The following ATG5 variants were observed in gnomAD, a reference collection of about 807,000 sequenced individuals.
The protein encoded by ATG5 is autophagy related 5, also known as autophagy protein 5.
In ATG5, 14 loss-of-function variants were observed where a neutral mutation model predicts 36.5. The observed-to-expected ratio is 0.38, with a 90% CI of 0.25 to 0.60. The LOEUF (loss-of-function observed/expected upper bound fraction) is 0.60, where lower values mean the gene tolerates loss of function less well. Among genes scored for constraint, ATG5 ranks in the 20% least tolerant of loss-of-function variants. The pLI is 0.60. For synonymous variants in ATG5, 95 were observed against 101.5 expected (o/e 0.94, Z 0.38); for missense variants, 195 against 326.7 (o/e 0.60, Z 3.11).
At chr6:106,306,197 T>C (rs928271192) in intron 3 of ATG5, among the ~76,000 whole-genome samples, 4 of 152,192 alleles carry the variant, frequency 2.6e-5, no homozygotes, top group African/African-American at 9.7e-5. Flanking sequence ...GAACATGGTA[T>C]AATAATATTT....
chr6:106,202,803 A>T (rs1399613757), intron 6 of ATG5, among the ~76,000 whole-genome samples: 1 of 152,178 alleles, frequency 6.6e-6, no homozygotes, highest in Non-Finnish European at 1.5e-5. Context: ...CTGGGACTAC[A>T]GGAGTGCGCC....
At chr6:106,240,498 G>A (rs894601939) in intron 6 of ATG5, among the ~76,000 whole-genome samples, 4 of 150,612 alleles carry the variant, frequency 2.7e-5, no homozygotes, top group Non-Finnish European at 5.9e-5. Context: ...AACTCACTAA[G>A]TGTGAGAGAA....
chr6:106,218,141 T>C (rs1479456402), intron 6 of ATG5, among the ~76,000 whole-genome samples: 1 of 152,198 alleles, frequency 6.6e-6, no homozygotes, highest in East Asian at 1.9e-4. Flanking sequence ...AAGAATTCAC[T>C]AGCAAAAGAG....
At chr6:106,274,111 G>C (rs1223464115) in intron 5 of ATG5, among the ~76,000 whole-genome samples, 1 of 152,062 alleles carries the variant, frequency 6.6e-6, no homozygotes, top group Non-Finnish European at 1.5e-5. Flanking sequence ...CCGCCTTTTT[G>C]GGATTGTATA....
At chr6:106,213,394 A>C (rs1344354250) in intron 6 of ATG5, among the ~76,000 whole-genome samples, 1 of 152,218 alleles carries the variant, frequency 6.6e-6, no homozygotes, top group Non-Finnish European at 1.5e-5. Flanking sequence ...AAGAGTTGGA[A>C]GCTATATCAG....
intron 2 of ATG5, among the ~76,000 whole-genome samples, chr6:106,313,243 A>T (rs1318541996): frequency 6.6e-6 from 1 of 152,192 alleles, no homozygotes; most frequent in African/African-American, 2.4e-5. Context: ...TTGGTGACAG[A>T]AAGTTAAGGG....
intron 4 of ATG5, among the ~76,000 whole-genome samples, chr6:106,289,923 A>G (rs895657057): frequency 1.3e-5 from 2 of 152,186 alleles, no homozygotes; most frequent in African/African-American, 4.8e-5. Context: ...AAGAAAATTC[A>G]GGCTCACAAA....
At chr6:106,191,467 G>T (rs895517182) in intron 7 of ATG5, among the ~76,000 whole-genome samples, 1 of 152,034 alleles carries the variant, frequency 6.6e-6, no homozygotes, top group Non-Finnish European at 1.5e-5. Context: ...GGTCTTTTAC[G>T]TCTAAACAGC....
In ATG5 at chr6:106,312,274, G is replaced by A. The variant is rs117866111; in HGVS notation, c.109-3783C>T. On this transcript the variant is annotated intron_variant, in intron 2 of 7. Transcript: ENST00000369076. Reference sequence around the variant, plus strand: ...GAGAAGGAAGGAAGCACCAAACGATGAGTCCCAGGTTTCAAGTAAGAGTAG... The same window carrying A: ...GAGAAGGAAGGAAGCACCAAACGATAAGTCCCAGGTTTCAAGTAAGAGTAG... Among the ~76,000 whole-genome samples, 321 of 152,292 alleles carry A rather than the reference G, an allele frequency of 2.1e-3. 10 individuals carry two copies. The East Asian group carries it at 0.055, about 26-fold the overall frequency.
chr6:106,293,129 T>C (rs753255773), intron 3 of ATG5, 23 bp from the exon 4 acceptor site: 7 of 1,592,486 alleles, frequency 4.4e-6, no homozygotes, highest in South Asian at 1.1e-5. Flanking sequence ...CAGTATATTT[T>C]GAGAAAATAA....
At chr6:106,234,740 T>C (rs1467822590) in intron 6 of ATG5, among the ~76,000 whole-genome samples, 4 of 152,228 alleles carry the variant, frequency 2.6e-5, no homozygotes, top group Admixed American at 6.5e-5. Context: ...CCTTTTGTTA[T>C]CGGAGCAGGA....
intron 5 of ATG5, among the ~76,000 whole-genome samples, chr6:106,263,878 GAA>G (rs201259155): frequency 2.3e-5 from 3 of 128,702 alleles, no homozygotes; most frequent in Admixed American, 7.8e-5. Context: ...CACAAAGATG[GAA>G]AAAAAAAAAA....
At chr6:106,208,078 C>A (rs1439077723) in intron 6 of ATG5, among the ~76,000 whole-genome samples, 1 of 152,134 alleles carries the variant, frequency 6.6e-6, no homozygotes, top group Non-Finnish European at 1.5e-5. Context: ...GGCAACAGAG[C>A]AAGACTCTGT....
At chr6:106,289,641 T>C (rs545169613) in intron 4 of ATG5, among the ~76,000 whole-genome samples, 2 of 151,526 alleles carry the variant, frequency 1.3e-5, no homozygotes, top group Non-Finnish European at 2.9e-5. Flanking sequence ...TACTGATATT[T>C]ACACTAGAAA....
chr6:106,298,903 CTGAT>C (rs1418994088), intron 3 of ATG5, among the ~76,000 whole-genome samples: 6 of 152,174 alleles, frequency 3.9e-5, no homozygotes. Flanking sequence ...ACACTTTAAT[CTGAT>C]TTACATCAAG....
intron 5 of ATG5, among the ~76,000 whole-genome samples, chr6:106,260,782 G>A (rs565564043): frequency 9.9e-5 from 15 of 152,284 alleles, no homozygotes; most frequent in Non-Finnish European, 2.2e-4. Flanking sequence ...GAACTGCACT[G>A]ACTTTCTTGA....
At chr6:106,214,234 TAAAA>T (rs1313140210) in intron 6 of ATG5, among the ~76,000 whole-genome samples, 10 of 152,084 alleles carry the variant, frequency 6.6e-5, no homozygotes, top group Non-Finnish European at 1.5e-4. Flanking sequence ...CCTCATTAAA[TAAAA>T]AGAACAGACC....
At chr6:106,265,029 T>C (rs1779173601) in intron 5 of ATG5, among the ~76,000 whole-genome samples, 1 of 151,970 alleles carries the variant, frequency 6.6e-6, no homozygotes, top group African/African-American at 2.4e-5. Flanking sequence ...ATGCTCCAAT[T>C]AAAAGACACA....
intron 2 of ATG5, among the ~76,000 whole-genome samples, chr6:106,315,158 C>T (rs763615580): frequency 3.3e-5 from 5 of 152,126 alleles, no homozygotes; most frequent in Admixed American, 1.3e-4. Flanking sequence ...TCTGACTTTC[C>T]GTAGCTGGAG....
Sources: gnomAD v4.1 joint callset for allele counts (sites outside exome capture counted in the v4.1 genomes callset) on GRCh38, gnomAD v4.1.1 for gene constraint, MANE v1.5 for transcripts, NCBI Gene and HGNC (gene_info 2026-07-23, HGNC 2026-07-21) for gene names.